Variants in CFDP1 observed in about 807,000 individuals in gnomAD.
The protein encoded by CFDP1 is chromatin remodeling protein CFDP1.
A neutral mutation model predicts 40.1 loss-of-function variants in CFDP1; 31 were observed. The observed-to-expected ratio is 0.77, with a 90% CI of 0.58 to 1.04. The LOEUF is 1.04. Among genes scored for constraint, CFDP1 ranks in the 50% least tolerant of loss-of-function variants. The probability of loss-of-function intolerance (pLI) is 0.00; values close to 1 mark genes in which losing one functional copy is unlikely to be tolerated. For synonymous variants in CFDP1, 167 were observed against 120.0 expected, an observed-to-expected ratio of 1.39 and a Z score of -2.56; for missense variants, 423 against 343.4, an observed-to-expected ratio of 1.23 and a Z score of -1.83.
intron 5 of CFDP1, among the ~76,000 whole-genome samples, chr16:75,347,078 G>A (rs959110418): frequency 2.6e-5 from 4 of 152,080 alleles, no homozygotes; most frequent in East Asian, 3.8e-4. Flanking sequence ...GGCACGGGGG[G>A]CTCACACCTG....
intron 5 of CFDP1, among the ~76,000 whole-genome samples, chr16:75,354,522 G>C (rs983602696): frequency 6.6e-6 from 1 of 152,172 alleles, no homozygotes; most frequent in Non-Finnish European, 1.5e-5. Flanking sequence ...TCCAAGAGAA[G>C]TGTCCTCATG....
chr16:75,304,936 T>A, intron 6 of CFDP1, 88 bp downstream of exon 6: 1 of 1,357,718 alleles, frequency 7.4e-7, no homozygotes, highest in African/African-American at 1.5e-5. Flanking sequence ...AGCTCCTGCT[T>A]GCTTACAGTG....
chr16:75,333,826 T>TA (rs2078465646), intron 5 of CFDP1, among the ~76,000 whole-genome samples: 1 of 152,212 alleles, frequency 6.6e-6, no homozygotes, highest in African/African-American at 2.4e-5. Context: ...AGGAAGTCTT[T>TA]AAAGCCTTTC....
chr16:75,307,645 A>T (rs992753638), intron 5 of CFDP1, among the ~76,000 whole-genome samples: 2 of 152,008 alleles, frequency 1.3e-5, no homozygotes, highest in African/African-American at 2.4e-5. Flanking sequence ...TACAGCCTCA[A>T]CCTCCCTGGG....
chr16:75,368,045 G>A (rs1482833705), intron 5 of CFDP1, among the ~76,000 whole-genome samples: 1 of 152,038 alleles, frequency 6.6e-6, no homozygotes, highest in Non-Finnish European at 1.5e-5. Flanking sequence ...CAGAGGTTGC[G>A]GTGAGCCAAG....
intron 1 of CFDP1, chr16:75,419,220 G>C (rs936990531): frequency 1.2e-5 from 2 of 161,288 alleles, no homozygotes; most frequent in African/African-American, 4.8e-5. Context: ...GTAATTGTTA[G>C]AAAATGAAAA....
chr16:75,308,749 CCA>C lies in CFDP1; in HGVS notation c.651-3569_651-3568del, dbSNP rs1567640841. The stretch of plus-strand genomic sequence containing the variant: ...TGGGCAGCACCACAAGCTATGTACG[CCA>C]CCTCTCCCCTTCAGCCTACAGCTCC... On this transcript the variant is annotated intron_variant, in intron 5 of 6. Transcript: ENST00000283882. Among the ~76,000 whole-genome samples, 8 of 152,336 alleles carry C rather than the reference CCA, an allele frequency of 5.3e-5. No individual in the cohort carries two copies. In the South Asian group the frequency reaches 1.7e-3, roughly 32 times the overall value.
chr16:75,375,199 C>T (rs1169976723), intron 5 of CFDP1, among the ~76,000 whole-genome samples: 2 of 151,964 alleles, frequency 1.3e-5, no homozygotes, highest in African/African-American at 4.8e-5. Context: ...AAAGCACTAA[C>T]TGTAAAAGAC....
At chr16:75,317,847 A>AC (rs1396713177) in intron 5 of CFDP1, among the ~76,000 whole-genome samples, 15 of 152,024 alleles carry the variant, frequency 9.9e-5, no homozygotes, top group Admixed American at 9.8e-4. Context: ...GTGGTAGCTC[A>AC]CCCCTGTAAT....
chr16:75,407,972 T>C (rs956516668), intron 4 of CFDP1, among the ~76,000 whole-genome samples: 4 of 151,836 alleles, frequency 2.6e-5, no homozygotes, highest in Non-Finnish European at 5.9e-5. Flanking sequence ...CCAAGCGTGG[T>C]GTATGCCTAT....
chr16:75,349,680 A>ATATATATATAT (rs59380218), intron 5 of CFDP1, among the ~76,000 whole-genome samples: 28 of 6,664 alleles, frequency 4.2e-3, no homozygotes, highest in African/African-American at 6.1e-3. Flanking sequence ...AAAAAAAAAA[A>ATATATATATAT]AAAAAAAAAA....
chr16:75,393,994 G>C (rs552482130), intron 5 of CFDP1, among the ~76,000 whole-genome samples: 1 of 152,216 alleles, frequency 6.6e-6, no homozygotes, highest in Admixed American at 6.5e-5. Flanking sequence ...GGCGGAGCTT[G>C]CAGTGAGCCG....
chr16:75,393,979 CGG>C (rs948062163), intron 5 of CFDP1, among the ~76,000 whole-genome samples: 4 of 151,820 alleles, frequency 2.6e-5, no homozygotes, highest in African/African-American at 9.7e-5. Flanking sequence ...GACATGAACC[CGG>C]GAGGCGGAGC....
intron 6 of CFDP1, among the ~76,000 whole-genome samples, chr16:75,296,016 C>T (rs893347448): frequency 6.6e-5 from 10 of 152,144 alleles, no homozygotes; most frequent in Admixed American, 3.9e-4. Flanking sequence ...CTCACTACCA[C>T]GGGGACCAGG....
At chr16:75,415,648 A>C (rs2079196768) in intron 1 of CFDP1, among the ~76,000 whole-genome samples, 1 of 152,206 alleles carries the variant, frequency 6.6e-6, no homozygotes, top group African/African-American at 2.4e-5. Context: ...GGCTTCTTTT[A>C]TTCAACATTA....
chr16:75,401,971 A>G (rs957122367), intron 4 of CFDP1, among the ~76,000 whole-genome samples: 1 of 152,214 alleles, frequency 6.6e-6, no homozygotes, highest in Admixed American at 6.5e-5. Context: ...GCAGCATGGA[A>G]AAAGTATAAA....
intron 3 of CFDP1, among the ~76,000 whole-genome samples, chr16:75,412,293 G>C (rs1162358336): frequency 2.0e-5 from 3 of 152,128 alleles, no homozygotes; most frequent in Non-Finnish European, 4.4e-5. Context: ...TGCAGGGATT[G>C]TTGGTGTGTG....
At chr16:75,427,090 T>C (rs2079350778) in intron 1 of CFDP1, among the ~76,000 whole-genome samples, 1 of 150,424 alleles carries the variant, frequency 6.6e-6, no homozygotes, top group African/African-American at 2.4e-5. Context: ...CAAAGGACTA[T>C]ATCCAGAATA....
intron 4 of CFDP1, among the ~76,000 whole-genome samples, chr16:75,397,728 C>G (rs1029681946): frequency 5.6e-4 from 85 of 151,974 alleles, no homozygotes; most frequent in Middle Eastern, 3.4e-3. Context: ...ACCTCATGAA[C>G]CCAGAAGGTG....
Sources: gnomAD v4.1 joint callset for allele counts (sites outside exome capture counted in the v4.1 genomes callset) on GRCh38, gnomAD v4.1.1 for gene constraint, MANE v1.5 for transcripts, NCBI Gene and HGNC (gene_info 2026-07-23, HGNC 2026-07-21) for gene names.